GNAL: variants seen among roughly 807,000 people sequenced by gnomAD.
GNAL encodes G protein subunit alpha L.
Under a neutral mutation model 55.1 loss-of-function variants are expected in GNAL, and 18 were observed. The ratio of observed to expected loss-of-function variants is 0.33; its 90% CI spans 0.23 to 0.48. The LOEUF (loss-of-function observed/expected upper bound fraction) is 0.48, where lower values mean the gene tolerates loss of function less well. Ranked by LOEUF, GNAL falls within the 20% of genes least tolerant of loss-of-function variation. The pLI is 0.99. For synonymous variants in GNAL, 253 were observed against 237.0 expected (o/e 1.07, Z -0.62); for missense variants, 412 against 614.1 (o/e 0.67, Z 3.48).
intron 1 of GNAL, among the ~76,000 whole-genome samples, chr18:11,742,776 C>T (rs1287630671): frequency 1.3e-5 from 2 of 152,228 alleles, no homozygotes; most frequent in Non-Finnish European, 2.9e-5. Context: ...CATGATGAAG[C>T]TTTGCGGGAT....
chr18:11,703,795 G>GCACACACACACACACACACACA (rs35455680), intron 1 of GNAL, among the ~76,000 whole-genome samples: 10 of 141,496 alleles, frequency 7.1e-5, no homozygotes, highest in African/African-American at 1.6e-4. Context: ...GTGTTGATGG[G>GCACACACACACACACACACACA]CACACACACA....
At chr18:11,753,113 TG>T (rs1014026303) in intron 2 of GNAL, among the ~76,000 whole-genome samples, 188 bp downstream of exon 2, 1 of 152,116 alleles carries the variant, frequency 6.6e-6, no homozygotes, top group African/African-American at 2.4e-5. Context: ...TAGTGTCTAA[TG>T]AAAAAAAAAC....
chr18:11,739,273 C>T (rs562496367), intron 1 of GNAL, among the ~76,000 whole-genome samples: 57 of 152,372 alleles, frequency 3.7e-4, no homozygotes, highest in Middle Eastern at 6.8e-3. Flanking sequence ...CTCTTGTTCA[C>T]ATTTCCCTGT....
In GNAL at chr18:11,796,575, C is replaced by CAAAAAA. The variant is rs760136358; in HGVS notation, c.625-28328_625-28323dup. On this transcript the variant is annotated intron_variant, in intron 4 of 11. Transcript: ENST00000334049. ...GGTGACAGAGCGAGACTCCTTCTCA[C>CAAAAAA]AAAAAAAAAAAAAAAAAAAACAAAA... Among the ~76,000 whole-genome samples the CAAAAAA allele has an allele frequency of 2.5e-3, 149 of 58,812 alleles. 8 individuals are homozygous for CAAAAAA. Among genetic ancestry groups the CAAAAAA allele is most frequent in the East Asian group, 6.5e-3 (13 of 1,988 alleles). The allele number at this position is 58,812 out of a possible 152,430, so 38.6% of individuals were successfully genotyped here. A position where few individuals can be genotyped will look rare whatever the true frequency, so the allele number is the denominator to read the frequency against.
chr18:11,722,854 A>T lies in GNAL; in HGVS notation c.377-29999A>T, dbSNP rs187442315. On this transcript the variant is annotated intron_variant, in intron 1 of 11. Transcript: ENST00000334049. The stretch of plus-strand genomic sequence containing the variant: ...TGGAGAAACCCTGTCTCTATTAAAA[A>T]TACAAAATTAGCTGGGCGTGGTGGC... 5.1e-3 allele frequency among the ~76,000 whole-genome samples: 777 copies of T among 152,302 alleles called. 5 individuals are homozygous for T. Among genetic ancestry groups the T allele is most frequent in the African/African-American group, 0.018 (741 of 41,550 alleles).
At position 11,883,072 on chromosome 18, in the gene GNAL, C is replaced by CTT. The variant is rs1298329884; in HGVS notation, c.*1939_*1940dup. 1 of 152,114 alleles carries CTT rather than the reference C, an allele frequency of 6.6e-6. No individual in the cohort carries two copies. Among genetic ancestry groups the CTT allele is most frequent in the Non-Finnish European group, 1.5e-5 (1 of 68,024 alleles). 9.4% of individuals were successfully genotyped at this position (152,114 alleles called of 1,614,324 possible). ...TATTACTCTTCTTTTAGTCTTTAGT[C>CTT]TTTAATATTTTAAAGTTTACTCTAT... On this transcript the variant is annotated 3_prime_UTR_variant, in exon 12 of 12. Coordinates refer to ENST00000334049, the MANE Select transcript of GNAL (RefSeq NM_182978.4).
At chr18:11,769,333 A>G (rs943054506) in intron 4 of GNAL, among the ~76,000 whole-genome samples, 12 of 151,808 alleles carry the variant, frequency 7.9e-5, no homozygotes, top group African/African-American at 2.9e-4. Flanking sequence ...GTGCTCAGAC[A>G]AAAGTCTTCA....
At chr18:11,750,130 A>G (rs1230773633) in intron 1 of GNAL, among the ~76,000 whole-genome samples, 2 of 152,224 alleles carry the variant, frequency 1.3e-5, no homozygotes, top group Admixed American at 6.5e-5. Context: ...GATACTCAGG[A>G]AACGGACCCA....
At position 11,771,404 on chromosome 18, in the gene GNAL, G is replaced by A. The variant is rs1180487570; in HGVS notation, c.624+17459G>A. Among the ~76,000 whole-genome samples the A allele has an allele frequency of 2.0e-5, 3 of 151,420 alleles. No individual in the cohort carries two copies. The East Asian group carries it at 6.0e-4, about 30-fold the overall frequency. On this transcript the variant is annotated intron_variant, in intron 4 of 11. Transcript: ENST00000334049. ...AAATTAATCATTATCAGTTTTATAT[G>A]AACAGGCATTTCATTTTTTTTTCTA... is the stretch of plus-strand genomic sequence containing the variant.
Position 11,730,487 on chromosome 18 carries a change from G to T in GNAL, c.377-22366G>T, listed in dbSNP as rs2032314621. Reference sequence around the variant, plus strand: ...GTTAAGTTTTTCTAAAGACTTGCTGGGCACAGTGGCTCACGCCTGTAATCC... The same window carrying T: ...GTTAAGTTTTTCTAAAGACTTGCTGTGCACAGTGGCTCACGCCTGTAATCC... On this transcript the variant is annotated intron_variant, in intron 1 of 11. Coordinates refer to ENST00000334049, the MANE Select transcript of GNAL (RefSeq NM_182978.4). Among the ~76,000 whole-genome samples the T allele has an allele frequency of 1.3e-5, 2 of 151,872 alleles. 1 individual carries two copies. The highest frequency in any genetic ancestry group is 4.2e-4 in the South Asian group (2 of 4,790).
chr18:11,760,898 A>T (rs558078937), intron 4 of GNAL, among the ~76,000 whole-genome samples: 1 of 152,174 alleles, frequency 6.6e-6, no homozygotes, highest in Admixed American at 6.5e-5. Flanking sequence ...CCTTTTCTCA[A>T]TGGTACAGTA....
In GNAL at chr18:11,793,794, G is replaced by A. The variant is rs548855509; in HGVS notation, c.625-31124G>A. ...AAAAATTAGCTGGGCGTGGTGGCAC[G>A]TGCCTGTGATCCCAGCTACTTGGGA... On this transcript the variant is annotated intron_variant, in intron 4 of 11. Coordinates refer to ENST00000334049, the MANE Select transcript of GNAL (RefSeq NM_182978.4). 5.3e-5 allele frequency among the ~76,000 whole-genome samples: 8 copies of A among 151,606 alleles called. No homozygotes were observed. The East Asian group carries it at 7.8e-4, about 15-fold the overall frequency.
At chr18:11,771,067 A>T (rs1272099322) in intron 4 of GNAL, among the ~76,000 whole-genome samples, 1 of 151,900 alleles carries the variant, frequency 6.6e-6, no homozygotes, top group Non-Finnish European at 1.5e-5. Context: ...AAATACAAAA[A>T]ATTAGCCAGG....
intron 1 of GNAL, among the ~76,000 whole-genome samples, chr18:11,736,900 C>A (rs2032474734): frequency 6.6e-6 from 1 of 152,176 alleles, no homozygotes; most frequent in Non-Finnish European, 1.5e-5. Flanking sequence ...CAAGGGCATA[C>A]TGGTTCCAGC....
At chr18:11,740,585 T>C (rs1257794047) in intron 1 of GNAL, among the ~76,000 whole-genome samples, 2 of 152,330 alleles carry the variant, frequency 1.3e-5, no homozygotes, top group East Asian at 3.9e-4. Context: ...TACCAATTCT[T>C]GCAATTCCAG....
intron 4 of GNAL, among the ~76,000 whole-genome samples, chr18:11,767,158 C>T (rs2033431931): frequency 6.6e-6 from 1 of 152,088 alleles, no homozygotes; most frequent in East Asian, 1.9e-4. Context: ...TCTGTGCACC[C>T]TTATGCTTGC....
At chr18:11,795,633 C>T (rs1476713996) in intron 4 of GNAL, among the ~76,000 whole-genome samples, 1 of 152,100 alleles carries the variant, frequency 6.6e-6, no homozygotes, top group South Asian at 2.1e-4. Flanking sequence ...CAGCTGAGAC[C>T]TGTTTTAAAT....
At chr18:11,740,578 C>T (rs2032555743) in intron 1 of GNAL, among the ~76,000 whole-genome samples, 1 of 152,106 alleles carries the variant, frequency 6.6e-6, no homozygotes, top group African/African-American at 2.4e-5. Context: ...GAGCTCATAC[C>T]AATTCTTGCA....
At chr18:11,845,633 A>G (rs1438277922) in intron 5 of GNAL, among the ~76,000 whole-genome samples, 3 of 152,128 alleles carry the variant, frequency 2.0e-5, no homozygotes, top group Non-Finnish European at 4.4e-5. Flanking sequence ...ATGCTCTCCA[A>G]CTAGAGGAGT....
Sources: allele counts gnomAD v4.1 joint callset (sites outside exome capture counted in the v4.1 genomes callset), GRCh38; gene constraint gnomAD v4.1.1; transcripts MANE v1.5; gene names NCBI Gene and HGNC (gene_info 2026-07-23, HGNC 2026-07-21).